Variants in C4orf36 observed in about 807,000 individuals in gnomAD.
The protein encoded by C4orf36 is chromosome 4 open reading frame 36, also known as uncharacterized protein C4orf36.
C4orf36 carries 11 observed loss-of-function variants against 12.2 expected under a neutral mutation model. The observed-to-expected ratio is 0.90, with a 90% CI of 0.57 to 1.49. The LOEUF (loss-of-function observed/expected upper bound fraction) is 1.49, where lower values mean the gene tolerates loss of function less well. Among genes scored for constraint, C4orf36 ranks in the 40% most tolerant of loss-of-function variants. C4orf36 has a pLI of 0.00. For missense variants in C4orf36, 137 were observed against 133.9 expected (o/e 1.02, Z -0.11); for synonymous variants, 54 against 51.3 (o/e 1.05, Z -0.22).
chr4:86,923,584 C>A, the C4orf36 span, among the ~76,000 whole-genome samples: 1 of 151,906 alleles, frequency 6.6e-6, no homozygotes, highest in Admixed American at 6.6e-5. Flanking sequence ...GTGGTGAAAC[C>A]CTGTCTCTAC....
chr4:86,917,177 G>A, the C4orf36 span, among the ~76,000 whole-genome samples: 2 of 152,132 alleles, frequency 1.3e-5, no homozygotes, highest in African/African-American at 4.8e-5. Context: ...CTATTCAGGA[G>A]GTTGAGGTGA....
Position 86,876,404 on chromosome 4 carries a change from G to A in C4orf36, c.*42C>T. On this transcript the variant is annotated 3_prime_UTR_variant, in exon 5 of 5. Coordinates refer to ENST00000295898, the MANE Select transcript of C4orf36 (RefSeq NM_144645.4). The stretch of plus-strand genomic sequence containing the variant: ...CGGCCCAGGAGAAGCAGTTCCCGCC[G>A]GCGCTGCTGAGTTTCTTCATCTACA... The A allele has an allele frequency of 3.1e-6, 5 of 1,611,362 alleles. No individual in the cohort carries two copies. The highest frequency in any genetic ancestry group is 1.1e-5 in the South Asian group (1 of 90,938).
the C4orf36 span, among the ~76,000 whole-genome samples, chr4:86,912,960 G>A: frequency 1.0e-4 from 15 of 147,932 alleles, no homozygotes; most frequent in African/African-American, 3.2e-4. Context: ...TTTTCCACTG[G>A]GCAATTTACA....
rs1209574261 is a variant in C4orf36 at position 86,879,301 on chromosome 4, A to G, written c.*3-2858T>C. Among the ~76,000 whole-genome samples the G allele has an allele frequency of 1.4e-4, 21 of 152,206 alleles. 1 individual carries two copies. Among genetic ancestry groups the G allele is most frequent in the Admixed American group, 1.4e-3 (21 of 15,280 alleles). ...GAGCTAACAGAGAAGATAAACAACTAAAAATCAGGAAAATGATACATGTAC... is the reference window on the plus strand; with the variant it reads ...GAGCTAACAGAGAAGATAAACAACTGAAAATCAGGAAAATGATACATGTAC... On this transcript the variant is annotated intron_variant, in intron 4 of 4. Coordinates refer to ENST00000295898, the MANE Select transcript of C4orf36 (RefSeq NM_144645.4).
the C4orf36 span, among the ~76,000 whole-genome samples, chr4:86,907,347 C>G: frequency 6.6e-6 from 1 of 152,200 alleles, no homozygotes; most frequent in East Asian, 1.9e-4. Flanking sequence ...ATAAAATGTT[C>G]TCTTGGAGAG....
chr4:86,888,025 A>G, intron 3 of C4orf36, 96 bp downstream of exon 3: 1 of 1,534,502 alleles, frequency 6.5e-7, no homozygotes, highest in South Asian at 1.2e-5. Context: ...CAAAGATAGG[A>G]GGTATGGGTG....
rs1746928899 is a variant in C4orf36, at chr4:86,876,398, CCCGCCGGCG to C, written c.*39_*47del. The stretch of plus-strand genomic sequence containing the variant: ...CCTGGGCGGCCCAGGAGAAGCAGTT[CCCGCCGGCG>C]CTGCTGAGTTTCTTCATCTACAATC... On this transcript the variant is annotated 3_prime_UTR_variant, in exon 5 of 5. Transcript: ENST00000295898. 6.2e-7 allele frequency: 1 copy of C among 1,610,004 alleles called. No homozygotes were observed. Among genetic ancestry groups the C allele is most frequent in the Admixed American group, 1.7e-5 (1 of 59,550 alleles).
At chr4:86,917,443 G>T in the C4orf36 span, among the ~76,000 whole-genome samples, 4 of 126,212 alleles carry the variant, frequency 3.2e-5, no homozygotes, top group Non-Finnish European at 6.9e-5. Flanking sequence ...GAAAGGGAGA[G>T]AAAGAGAAAA....
upstream of C4orf36, among the ~76,000 whole-genome samples, chr4:86,894,858 T>C (rs148186224): frequency 6.6e-6 from 1 of 152,310 alleles, no homozygotes; most frequent in East Asian, 1.9e-4. Flanking sequence ...ACTATGTGAT[T>C]AAGCCATCTT....
At chr4:86,921,953 T>A in the C4orf36 span, among the ~76,000 whole-genome samples, 1 of 152,240 alleles carries the variant, frequency 6.6e-6, no homozygotes, top group Non-Finnish European at 1.5e-5. Flanking sequence ...ATTTTGTGAT[T>A]GTCTTATTTC....
chr4:86,930,243 G>A, the C4orf36 span, among the ~76,000 whole-genome samples: 1 of 152,158 alleles, frequency 6.6e-6, no homozygotes, highest in African/African-American at 2.4e-5. Flanking sequence ...TAGTCCTCCA[G>A]ATATAACTGT....
At chr4:86,899,530 A>G in the C4orf36 span, among the ~76,000 whole-genome samples, 1 of 152,166 alleles carries the variant, frequency 6.6e-6, no homozygotes, top group Non-Finnish European at 1.5e-5. Context: ...TCCATTCTAA[A>G]TTTCAGGCAG....
At chr4:86,911,499 T>C in the C4orf36 span, among the ~76,000 whole-genome samples, 5 of 152,216 alleles carry the variant, frequency 3.3e-5, no homozygotes, top group Admixed American at 2.0e-4. Flanking sequence ...CCCCTGGAAC[T>C]CTACCAAGTC....
intron 4 of C4orf36, among the ~76,000 whole-genome samples, chr4:86,880,426 C>G (rs1032092841): frequency 3.3e-5 from 5 of 152,168 alleles, no homozygotes; most frequent in Admixed American, 2.6e-4. Context: ...TGCACTCCAG[C>G]CTGGGTGACA....
chr4:86,923,483 T>A, the C4orf36 span, among the ~76,000 whole-genome samples: 1 of 151,806 alleles, frequency 6.6e-6, no homozygotes, highest in Non-Finnish European at 1.5e-5. Flanking sequence ...TCCTGCTGGG[T>A]GCAGTGGCTC....
chr4:86,918,343 C>T, the C4orf36 span, among the ~76,000 whole-genome samples: 1 of 152,294 alleles, frequency 6.6e-6, no homozygotes, highest in East Asian at 1.9e-4. Flanking sequence ...AATCAGAGAC[C>T]GTGATGTAGT....
the C4orf36 span, among the ~76,000 whole-genome samples, chr4:86,923,188 T>C: frequency 1.3e-5 from 2 of 151,634 alleles, no homozygotes; most frequent in Non-Finnish European, 2.9e-5. Flanking sequence ...ACCTCCTAGG[T>C]TCAAACTATC....
the C4orf36 span, among the ~76,000 whole-genome samples, chr4:86,918,597 T>C: frequency 2.4e-4 from 36 of 152,144 alleles, no homozygotes; most frequent in Admixed American, 1.9e-3. Context: ...TTGGGCTGCT[T>C]ATGTCACAAA....
intron 4 of C4orf36, among the ~76,000 whole-genome samples, chr4:86,879,128 C>T (rs1183791405): frequency 2.0e-5 from 3 of 151,948 alleles, no homozygotes; most frequent in African/African-American, 7.3e-5. Context: ...CAAAGCTCAA[C>T]AAAAGGGCAC....
Sources: gnomAD v4.1 joint callset for allele counts (sites outside exome capture counted in the v4.1 genomes callset) on GRCh38, gnomAD v4.1.1 for gene constraint, MANE v1.5 for transcripts, NCBI Gene and HGNC (gene_info 2026-07-23, HGNC 2026-07-21) for gene names.